Variants in ARHGAP29 observed in about 807,000 individuals in gnomAD.
The protein encoded by ARHGAP29 is Rho GTPase activating protein 29.
ARHGAP29 carries 43 observed loss-of-function variants against 122.6 expected under a neutral mutation model. The ratio of observed to expected loss-of-function variants is 0.35; its 90% CI spans 0.27 to 0.45. The LOEUF (loss-of-function observed/expected upper bound fraction) is 0.45, where lower values mean the gene tolerates loss of function less well. Ranked by LOEUF, ARHGAP29 falls within the 20% of genes least tolerant of loss-of-function variation. The pLI is 1.00. For synonymous variants in ARHGAP29, 506 were observed against 497.1 expected (o/e 1.02, Z -0.24); for missense variants, 1,303 against 1,477.2 (o/e 0.88, Z 1.93).
chr1:94,214,064 T>TA (rs2101560951), intron 3 of ARHGAP29, among the ~76,000 whole-genome samples: 1 of 152,306 alleles, frequency 6.6e-6, no homozygotes, highest in East Asian at 1.9e-4. Flanking sequence ...AACAGTAATA[T>TA]ATACTGATAA....
At chr1:94,235,076 G>T (rs1653168322) in intron 1 of ARHGAP29, among the ~76,000 whole-genome samples, 1 of 152,022 alleles carries the variant, frequency 6.6e-6, no homozygotes, top group African/African-American at 2.4e-5. Context: ...ATGGCAAGGA[G>T]AAGAGGAACT....
intron 16 of ARHGAP29, among the ~76,000 whole-genome samples, chr1:94,186,027 TG>T (rs148873195): frequency 9.6e-4 from 146 of 152,294 alleles, no homozygotes; most frequent in African/African-American, 3.5e-3. Flanking sequence ...AAACACAAAA[TG>T]AATTTATATG....
At chr1:94,279,826 T>C (rs1049600580), upstream of ARHGAP29, among the ~76,000 whole-genome samples, 12 of 152,182 alleles carry the variant, frequency 7.9e-5, no homozygotes, top group African/African-American at 2.9e-4. Flanking sequence ...TCAAAGTCTT[T>C]CTATTCATTC....
the ARHGAP29 span, among the ~76,000 whole-genome samples, chr1:94,285,638 A>G: frequency 1.3e-5 from 2 of 152,150 alleles, no homozygotes; most frequent in African/African-American, 4.8e-5. Flanking sequence ...GCATTTTGGG[A>G]GGCCAAAGTG....
the ARHGAP29 span, among the ~76,000 whole-genome samples, chr1:94,301,574 C>T: frequency 6.6e-6 from 1 of 152,134 alleles, no homozygotes; most frequent in Non-Finnish European, 1.5e-5. Flanking sequence ...TTGACCTGGG[C>T]AATATGTTCA....
intron 1 of ARHGAP29, among the ~76,000 whole-genome samples, chr1:94,261,219 C>T (rs1654545942): frequency 6.6e-6 from 1 of 152,152 alleles, no homozygotes. Context: ...GTAGCTTCCC[C>T]TTTTCCAGTT....
rs777966111 is a variant in ARHGAP29 at position 94,184,292 on chromosome 1, C to T, written c.2110-4G>A. The T allele has an allele frequency of 6.3e-7, 1 of 1,589,852 alleles. No homozygotes were observed. The highest frequency in any genetic ancestry group is 8.5e-7 in the Non-Finnish European group (1 of 1,173,426). On this transcript the variant is annotated splice_polypyrimidine_tract_variant and splice_region_variant and intron_variant, in intron 18 of 22. Coordinates refer to ENST00000260526, the MANE Select transcript of ARHGAP29 (RefSeq NM_004815.4). ...TTCCACACACACGATAAATTCCCTTCAATAGAAAAGAAAAAAATTTTGCAA... is the reference window on the plus strand; with the variant it reads ...TTCCACACACACGATAAATTCCCTTTAATAGAAAAGAAAAAAATTTTGCAA...
At chr1:94,273,952 ATAACAGTTAATAGT>A (rs1655090455) in intron 1 of ARHGAP29, among the ~76,000 whole-genome samples, 2 of 152,224 alleles carry the variant, frequency 1.3e-5, no homozygotes, top group African/African-American at 2.4e-5. Context: ...AGTTATAAAA[ATAACAGTTAATAGT>A]TACTGAACAC....
At chr1:94,243,905 T>C (rs1570597040) in intron 1 of ARHGAP29, among the ~76,000 whole-genome samples, 1 of 53,506 alleles carries the variant, frequency 1.9e-5, no homozygotes, top group Admixed American at 2.3e-4. Context: ...CAAAAAACTT[T>C]GCCAATAAAC....
In ARHGAP29 at chr1:94,184,901, C is replaced by G. The variant is rs760580938; in HGVS notation, c.2080G>C (p.Glu694Gln). The change falls in exon 18 of 23, where the codon GAG becomes CAG. Residue 694 changes from glutamate (E) to glutamine (Q), a missense_variant. This residue lies in a region of ARHGAP29 where 91 missense variants were observed against 177.8 expected (regional missense o/e 0.51). Coordinates refer to ENST00000260526, the MANE Select transcript of ARHGAP29 (RefSeq NM_004815.4). ...AGACACAAAGCTCTATTTTCAATCT[C>G]TGAGGCACATATTTTGAGTATAAAA... ...IPFILKICAS[E>Q]IENRALCLQG... The G allele has an allele frequency of 2.5e-6, 4 of 1,604,892 alleles. No individual in the cohort carries two copies. The South Asian group carries it at 4.5e-5, about 18-fold the overall frequency.
At chr1:94,259,259 C>G (rs1557892458) in intron 1 of ARHGAP29, among the ~76,000 whole-genome samples, 1 of 152,160 alleles carries the variant, frequency 6.6e-6, no homozygotes, top group Admixed American at 6.6e-5. Context: ...TTTCACAATT[C>G]CAGTCATCTC....
chr1:94,214,016 T>A (rs1042742395), intron 3 of ARHGAP29, among the ~76,000 whole-genome samples: 8 of 152,224 alleles, frequency 5.3e-5, no homozygotes, highest in Non-Finnish European at 1.0e-4. Flanking sequence ...CTTCTCTCTA[T>A]GCCTCAGTTT....
At chr1:94,186,116 CACTT>C (rs1649786151) in intron 16 of ARHGAP29, among the ~76,000 whole-genome samples, 1 of 152,168 alleles carries the variant, frequency 6.6e-6, no homozygotes, top group Admixed American at 6.5e-5. Flanking sequence ...TCAAGAAGTA[CACTT>C]ACTTAGTTTT....
intron 1 of ARHGAP29, among the ~76,000 whole-genome samples, chr1:94,273,589 A>C (rs1439956088): frequency 6.6e-6 from 1 of 152,234 alleles, no homozygotes; most frequent in African/African-American, 2.4e-5. Context: ...ATAATATGTA[A>C]GATAGATAGA....
the ARHGAP29 span, among the ~76,000 whole-genome samples, chr1:94,297,190 A>C: frequency 6.6e-6 from 1 of 152,202 alleles, no homozygotes; most frequent in African/African-American, 2.4e-5. Flanking sequence ...CACAGAGCTG[A>C]AACAACATGT....
chr1:94,241,722 TA>T (rs1557884297), upstream of ARHGAP29, among the ~76,000 whole-genome samples: 440 of 141,078 alleles, frequency 3.1e-3, 2 homozygotes, highest in African/African-American at 0.011. Flanking sequence ...ATAATTTATA[TA>T]TAATATATAT....
chr1:94,211,985 AG>A (rs1402325581), intron 3 of ARHGAP29, among the ~76,000 whole-genome samples: 1 of 151,674 alleles, frequency 6.6e-6, no homozygotes, highest in Non-Finnish European at 1.5e-5. Flanking sequence ...TAAATAACCC[AG>A]GTGTCAAAGA....
intron 17 of ARHGAP29, 130 bp downstream of exon 17, chr1:94,185,212 T>A (rs1649720339): frequency 8.2e-7 from 1 of 1,217,766 alleles, no homozygotes; most frequent in Admixed American, 2.9e-5. Context: ...AATATAAAAT[T>A]ATAGAAGGTG....
Position 94,223,640 on chromosome 1 carries a change from T to C in ARHGAP29, c.206-3248A>G, listed in dbSNP as rs374332046. Among the ~76,000 whole-genome samples, 10 of 152,196 alleles carry C rather than the reference T, an allele frequency of 6.6e-5. No individual in the cohort carries two copies. The East Asian group carries it at 7.7e-4, about 12-fold the overall frequency. ...ATATTTACATATATATGTATGTATA[T>C]AGCCAAAACCTCAATTACTTTTGCA... On this transcript the variant is annotated intron_variant, in intron 2 of 22. Transcript: ENST00000260526.
Sources: gnomAD v4.1 joint callset for allele counts (sites outside exome capture counted in the v4.1 genomes callset) on GRCh38, gnomAD v4.1.1 for gene constraint, gnomAD v4.1.1 regional missense constraint, MANE v1.5 for transcripts, NCBI Gene and HGNC (gene_info 2026-07-23, HGNC 2026-07-21) for gene names.